Variants in PRDM16 observed in about 807,000 individuals in gnomAD.
The protein encoded by PRDM16 is PR/SET domain 16, also known as histone-lysine N-methyltransferase PRDM16.
PRDM16 carries 23 observed loss-of-function variants against 110.6 expected under a neutral mutation model. The ratio of observed to expected loss-of-function variants is 0.21; its 90% CI spans 0.15 to 0.29. The LOEUF (loss-of-function observed/expected upper bound fraction) is 0.29, where lower values mean the gene tolerates loss of function less well. Ranked by LOEUF, PRDM16 falls within the 10% of genes least tolerant of loss-of-function variation. The pLI, the probability that PRDM16 is intolerant of heterozygous loss-of-function variation, is 1.00. For synonymous variants in PRDM16, 799 were observed against 781.8 expected (o/e 1.02, Z -0.37); for missense variants, 1,615 against 1,794.3 (o/e 0.90, Z 1.81).
At chr1:3,236,284 C>CG (rs957543021) in intron 2 of PRDM16, among the ~76,000 whole-genome samples, 1 of 152,112 alleles carries the variant, frequency 6.6e-6, no homozygotes, top group Non-Finnish European at 1.5e-5. Context: ...AGAGGCCTGG[C>CG]GGGGGGTGGC....
intron 14 of PRDM16, among the ~76,000 whole-genome samples, chr1:3,430,080 C>T (rs1638725805): frequency 2.0e-5 from 3 of 152,174 alleles, no homozygotes; most frequent in Admixed American, 2.0e-4. Flanking sequence ...ACCAGTATGT[C>T]CAGCATGTGC....
chr1:3,187,471 G>C (rs1644284166), intron 2 of PRDM16, among the ~76,000 whole-genome samples: 1 of 152,216 alleles, frequency 6.6e-6, no homozygotes, highest in African/African-American at 2.4e-5. Context: ...CTGCTCTCCT[G>C]GTGGCTCGTG....
rs145948333 is a variant in PRDM16, at chr1:3,126,332, C to G, written c.37+57036C>G. Among the ~76,000 whole-genome samples, 297 of 152,292 alleles carry G rather than the reference C, an allele frequency of 2.0e-3. 1 individual carries two copies. The highest frequency in any genetic ancestry group is 6.7e-3 in the African/African-American group (279 of 41,580). On this transcript the variant is annotated intron_variant, in intron 1 of 16. Coordinates refer to ENST00000270722, the MANE Select transcript of PRDM16 (RefSeq NM_022114.4). The stretch of plus-strand genomic sequence containing the variant: ...CCCTGGCCACAGGTGCCAATGGCAT[C>G]CTCCTCCCCAGGTCTCTCCCATGCC...
intron 2 of PRDM16, among the ~76,000 whole-genome samples, chr1:3,239,417 C>T (rs968221321): frequency 5.3e-5 from 8 of 151,990 alleles, no homozygotes; most frequent in African/African-American, 1.5e-4. Flanking sequence ...CACAGTCTCC[C>T]AGCAGTGAGC....
At chr1:3,405,349 C>A in intron 7 of PRDM16, 146 bp from the exon 8 acceptor site, 1 of 884,860 alleles carries the variant, frequency 1.1e-6, no homozygotes, top group Non-Finnish European at 1.7e-6. Flanking sequence ...ACACAGAGAC[C>A]TGTCCCGGCC....
rs1304158477 is a variant in PRDM16, at chr1:3,382,766, C to T, written c.439-2386C>T. Among the ~76,000 whole-genome samples the T allele has an allele frequency of 2.0e-5, 3 of 152,210 alleles. No homozygotes were observed. The highest frequency in any genetic ancestry group is 7.2e-5 in the African/African-American group (3 of 41,458). ...GTGCTCCAGCTTTGAAGACAAAAAT[C>T]CGGGTCCCAGGTGGGAGGGCACGGC... On this transcript the variant is annotated intron_variant, in intron 3 of 16. Transcript: ENST00000270722. The surrounding 1 kb of genome is among the most constrained non-coding windows in gnomAD (Gnocchi z 6.6).
intron 2 of PRDM16, among the ~76,000 whole-genome samples, chr1:3,192,470 T>C (rs1638336871): frequency 6.6e-6 from 1 of 152,152 alleles, no homozygotes; most frequent in African/African-American, 2.4e-5. Flanking sequence ...CATGTTCCAA[T>C]TGGGCAATCT....
chr1:3,429,204 T>A (rs977463850), intron 14 of PRDM16, among the ~76,000 whole-genome samples: 1 of 152,222 alleles, frequency 6.6e-6, no homozygotes, highest in Non-Finnish European at 1.5e-5. Flanking sequence ...TGTGAAAGCG[T>A]CCACGGCTGT....
At chr1:3,186,995 C>A (rs1644276694) in intron 2 of PRDM16, among the ~76,000 whole-genome samples, 1 of 152,228 alleles carries the variant, frequency 6.6e-6, no homozygotes, top group South Asian at 2.1e-4. Context: ...CCCCGACCTG[C>A]CAGGGAGGGA....
At chr1:3,287,499 G>A (rs1640879710) in intron 3 of PRDM16, among the ~76,000 whole-genome samples, 1 of 83,294 alleles carries the variant, frequency 1.2e-5, no homozygotes, top group African/African-American at 4.6e-5. Context: ...TACCGGGGCT[G>A]GAGCCGCCCC....
intron 3 of PRDM16, among the ~76,000 whole-genome samples, chr1:3,357,005 C>T (rs971757176): frequency 6.6e-6 from 1 of 152,218 alleles, no homozygotes; most frequent in African/African-American, 2.4e-5. Context: ...AGAGGCTACA[C>T]CCAGCTGCAG....
rs763106963 is a variant in PRDM16 at position 3,404,896 on chromosome 1, G to A, written c.1032+10G>A. 2.2e-5 allele frequency: 35 copies of A among 1,611,578 alleles called. No homozygotes were observed. Among genetic ancestry groups the A allele is most frequent in the East Asian group, 8.9e-5 (4 of 44,862 alleles). On this transcript the variant is annotated intron_variant, in intron 7 of 16. Coordinates refer to ENST00000270722, the MANE Select transcript of PRDM16 (RefSeq NM_022114.4). The stretch of plus-strand genomic sequence containing the variant: ...TGAAAACTGCGTGAAGGTAACCTGC[G>A]GGGCGGCCCCGTCTCAGCCCCGGGG...
At chr1:3,155,172 T>A (rs1643839152) in intron 1 of PRDM16, among the ~76,000 whole-genome samples, 1 of 152,088 alleles carries the variant, frequency 6.6e-6, no homozygotes, top group Admixed American at 6.5e-5. Flanking sequence ...CCTGCGGACC[T>A]CTCCAGGAAG....
At chr1:3,433,550 C>T in intron 16 of PRDM16, 127 bp from the exon 17 acceptor site, 1 of 240,224 alleles carries the variant, frequency 4.2e-6, no homozygotes, top group East Asian at 6.5e-5. Flanking sequence ...CCGCCCTGCC[C>T]ACGCGCTCAC....
chr1:3,248,925 G>A (rs1346194250), intron 3 of PRDM16, among the ~76,000 whole-genome samples: 2 of 152,208 alleles, frequency 1.3e-5, no homozygotes, highest in Non-Finnish European at 2.9e-5. Flanking sequence ...AATGAAGGAT[G>A]GCTGCTGAGC....
In PRDM16 at chr1:3,435,245, T is replaced by A; in HGVS notation, c.*1434T>A. The A allele has an allele frequency of 4.5e-6, 1 of 221,916 alleles. No individual in the cohort carries two copies. Among genetic ancestry groups the A allele is most frequent in the Non-Finnish European group, 9.0e-6 (1 of 110,964 alleles). 13.7% of individuals were successfully genotyped at this position (221,916 alleles called of 1,614,324 possible). ...TATATAACTTGTAATTTTTTCTAAT[T>A]CATTTCTTTTCTTATTTTATTTCCT... On this transcript the variant is annotated 3_prime_UTR_variant, in exon 17 of 17. Transcript: ENST00000270722.
chr1:3,285,100 TGGGCCAGCCCC>T (rs1356272813), intron 3 of PRDM16, among the ~76,000 whole-genome samples: 1 of 152,176 alleles, frequency 6.6e-6, no homozygotes, highest in Non-Finnish European at 1.5e-5. Flanking sequence ...CCCCAAGTTC[TGGGCCAGCCCC>T]CAGCATTTCC....
intron 1 of PRDM16, among the ~76,000 whole-genome samples, chr1:3,146,752 T>C (rs1443968492): frequency 1.4e-5 from 2 of 142,662 alleles, no homozygotes; most frequent in Non-Finnish European, 3.1e-5. Flanking sequence ...TGCACGTGTG[T>C]GCTCGGTGTA....
At chr1:3,199,622 G>C (rs536358861) in intron 2 of PRDM16, among the ~76,000 whole-genome samples, 1 of 152,136 alleles carries the variant, frequency 6.6e-6, no homozygotes, top group Non-Finnish European at 1.5e-5. Context: ...TGGAGCTGCC[G>C]GGCCCCCTCA....
Sources: gnomAD v4.1 joint callset for allele counts (sites outside exome capture counted in the v4.1 genomes callset) on GRCh38, gnomAD v4.1.1 for gene constraint, Gnocchi (gnomAD v3.1) non-coding constraint, MANE v1.5 for transcripts, NCBI Gene and HGNC (gene_info 2026-07-23, HGNC 2026-07-21) for gene names.